Variants in AMD1 observed in about 807,000 individuals in gnomAD.
AMD1 encodes S-adenosylmethionine decarboxylase proenzyme.
AMD1 carries 11 observed loss-of-function variants against 40.2 expected under a neutral mutation model. That is an observed-to-expected ratio of 0.27 (90% CI 0.17 to 0.45). The LOEUF (loss-of-function observed/expected upper bound fraction) is 0.45. AMD1 is among the 20% of genes least tolerant of loss of function. The pLI is 1.00. For missense variants in AMD1, 257 were observed against 410.2 expected, an observed-to-expected ratio of 0.63 and a Z score of 3.23; for synonymous variants, 121 against 130.8, an observed-to-expected ratio of 0.93 and a Z score of 0.51.
chr6:110,890,425 T>C (rs1785949183), intron 4 of AMD1, 69 bp downstream of exon 4: 1 of 1,092,954 alleles, frequency 9.1e-7, no homozygotes. Flanking sequence ...GAGATCTTTC[T>C]ATATGAGAGC....
intron 1 of AMD1, among the ~76,000 whole-genome samples, chr6:110,883,812 T>G (rs1785536251): frequency 6.6e-6 from 1 of 152,002 alleles, no homozygotes; most frequent in Non-Finnish European, 1.5e-5. Flanking sequence ...TTAGCCAGGA[T>G]GGTCTTGATC....
chr6:110,880,750 G>C (rs1400552958), intron 1 of AMD1, among the ~76,000 whole-genome samples: 1 of 152,118 alleles, frequency 6.6e-6, no homozygotes, highest in African/African-American at 2.4e-5. Flanking sequence ...TTGGTGCACT[G>C]TAGCCTCCGC....
chr6:110,884,939 C>A (rs77882346), intron 1 of AMD1, among the ~76,000 whole-genome samples: 169 of 152,220 alleles, frequency 1.1e-3, no homozygotes, highest in Admixed American at 3.2e-3. Context: ...TATTGATGGA[C>A]CTGAATTAGA....
chr6:110,857,052 T>C, the AMD1 span, among the ~76,000 whole-genome samples: 1 of 151,782 alleles, frequency 6.6e-6, no homozygotes, highest in Non-Finnish European at 1.5e-5. Context: ...TAATCCCAGC[T>C]ACTCGGGAGG....
chr6:110,844,265 C>CTTT, the AMD1 span, among the ~76,000 whole-genome samples: 2 of 143,702 alleles, frequency 1.4e-5, no homozygotes, highest in Non-Finnish European at 3.1e-5. Flanking sequence ...GAATTATAAT[C>CTTT]TTTTTTTTTT....
At chr6:110,834,197 T>G in the AMD1 span, among the ~76,000 whole-genome samples, 53,050 of 151,782 alleles carry the variant, frequency 0.35, 10,384 homozygotes, top group East Asian at 0.78. Context: ...AACAAGGCCA[T>G]ACATGATAAC....
chr6:110,865,299 A>G, the AMD1 span, among the ~76,000 whole-genome samples: 2 of 152,232 alleles, frequency 1.3e-5, no homozygotes, highest in Non-Finnish European at 2.9e-5. Flanking sequence ...GCAATTTTAT[A>G]TTATTCTTAA....
the AMD1 span, among the ~76,000 whole-genome samples, chr6:110,854,172 A>G: frequency 6.6e-6 from 1 of 152,224 alleles, no homozygotes; most frequent in Non-Finnish European, 1.5e-5. Context: ...AGTGTACTGC[A>G]CAATGGAAGA....
chr6:110,828,238 C>G, the AMD1 span, among the ~76,000 whole-genome samples: 4 of 152,234 alleles, frequency 2.6e-5, no homozygotes, highest in African/African-American at 9.6e-5. Context: ...CAAGACCAGC[C>G]TGGCCAACAT....
chr6:110,834,644 G>A, the AMD1 span, among the ~76,000 whole-genome samples: 1 of 151,962 alleles, frequency 6.6e-6, no homozygotes, highest in African/African-American at 2.4e-5. Context: ...GCAACATAGT[G>A]AGATCCCTGC....
chr6:110,883,587 T>C (rs1785519332), intron 1 of AMD1, among the ~76,000 whole-genome samples: 1 of 152,096 alleles, frequency 6.6e-6, no homozygotes, highest in African/African-American at 2.4e-5. Context: ...AAGGGAATCA[T>C]TTTTTGTTTG....
chr6:110,819,508 G>A, the AMD1 span, among the ~76,000 whole-genome samples: 1 of 152,188 alleles, frequency 6.6e-6, no homozygotes, highest in Non-Finnish European at 1.5e-5. Flanking sequence ...AAGAATCCAA[G>A]ATAACTTTGA....
the AMD1 span, among the ~76,000 whole-genome samples, chr6:110,861,918 G>A: frequency 6.6e-6 from 1 of 152,086 alleles, no homozygotes; most frequent in African/African-American, 2.4e-5. Context: ...AAATGTTAAA[G>A]GTGTTGCTCC....
At chr6:110,893,182 C>G in intron 8 of AMD1, 117 bp downstream of exon 8, 1 of 998,188 alleles carries the variant, frequency 1.0e-6, no homozygotes, top group African/African-American at 1.6e-5. Flanking sequence ...ACTCAGATAT[C>G]CAGAAGTAAT....
rs183071720 is a variant in AMD1 at position 110,875,486 on chromosome 6, C to G, written c.110+271C>G. ...CCGGCGCGGCCGCGTGCTCAGGTAA[C>G]GTCCCGCGCTGGGCGGCGGGCGGCG... is the stretch of plus-strand genomic sequence containing the variant. On this transcript the variant is annotated intron_variant, in intron 1 of 8. Coordinates refer to ENST00000368885, the MANE Select transcript of AMD1 (RefSeq NM_001634.6). 70 of 352,028 alleles carry G rather than the reference C, an allele frequency of 2.0e-4. 1 individual carries two copies. The highest frequency in any genetic ancestry group is 1.5e-3 in the African/African-American group (68 of 46,866). The allele number at this position is 352,028 out of a possible 1,614,324, so 21.8% of individuals were successfully genotyped here.
chr6:110,815,068 T>A, the AMD1 span: 2 of 1,605,074 alleles, frequency 1.2e-6, no homozygotes, highest in Non-Finnish European at 8.5e-7. Context: ...CTTTGCACCC[T>A]TCGTACTCAA....
the AMD1 span, among the ~76,000 whole-genome samples, chr6:110,859,754 G>A: frequency 2.0e-5 from 3 of 152,026 alleles, no homozygotes; most frequent in African/African-American, 7.2e-5. Flanking sequence ...GAGGCCCGTA[G>A]AAGGAAGTGG....
At chr6:110,872,621 A>C (rs1014055406), upstream of AMD1, among the ~76,000 whole-genome samples, 4 of 152,186 alleles carry the variant, frequency 2.6e-5, no homozygotes, top group Admixed American at 2.0e-4. Context: ...AGGGATTTTT[A>C]TTTTTATTAT....
At chr6:110,852,620 C>A in the AMD1 span, among the ~76,000 whole-genome samples, 2 of 152,112 alleles carry the variant, frequency 1.3e-5, no homozygotes, top group Non-Finnish European at 2.9e-5. Flanking sequence ...ATAGTCATAT[C>A]TAATAAAGGC....
Sources: gnomAD v4.1 joint callset for allele counts (sites outside exome capture counted in the v4.1 genomes callset) on GRCh38, gnomAD v4.1.1 for gene constraint, MANE v1.5 for transcripts, NCBI Gene and HGNC (gene_info 2026-07-23, HGNC 2026-07-21) for gene names.